The following RIPK4 variants were observed in gnomAD, a reference collection of about 807,000 sequenced individuals.
The protein encoded by RIPK4 is receptor interacting serine/threonine kinase 4.
RIPK4 carries 17 observed loss-of-function variants against 42.9 expected under a neutral mutation model. That is an observed-to-expected ratio of 0.40 (90% confidence interval 0.27 to 0.59). The LOEUF is 0.59. RIPK4 is among the 20% of genes least tolerant of loss of function. The pLI is 0.47. For missense variants in RIPK4, 897 were observed against 1,104.4 expected (o/e 0.81, Z 2.66); for synonymous variants, 498 against 499.1 (o/e 1.00, Z 0.03).
intron 1 of RIPK4, among the ~76,000 whole-genome samples, chr21:41,763,011 G>A (rs1780598360): frequency 6.6e-6 from 1 of 152,174 alleles, no homozygotes; most frequent in South Asian, 2.1e-4. Context: ...CTACGCTTAG[G>A]CACAGTTCAG....
At chr21:41,754,676 C>T (rs2061197817) in intron 2 of RIPK4, among the ~76,000 whole-genome samples, 1 of 152,234 alleles carries the variant, frequency 6.6e-6, no homozygotes, top group Admixed American at 6.5e-5. Context: ...TGCCCCGACT[C>T]CTGAGGGCAG....
chr21:41,756,007 A>C (rs1366367644), intron 2 of RIPK4, among the ~76,000 whole-genome samples: 3 of 152,022 alleles, frequency 2.0e-5, no homozygotes, highest in Non-Finnish European at 4.4e-5. Context: ...GCCACTCCGC[A>C]CTCTACGCAG....
At chr21:41,758,762 C>T (rs2061212414) in intron 1 of RIPK4, among the ~76,000 whole-genome samples, 2 of 152,248 alleles carry the variant, frequency 1.3e-5, no homozygotes, top group Non-Finnish European at 2.9e-5. Flanking sequence ...AACAGAGGCC[C>T]TGCGGCCTGC....
rs1285297166 is a variant in RIPK4, at chr21:41,755,158, G to A, written c.474+1367C>T. ...CCCAGCCCTGCCCATCACAGGAAACGGGAATCCCAGGGGTCCCAGAACATA... is the reference window on the plus strand; with the variant it reads ...CCCAGCCCTGCCCATCACAGGAAACAGGAATCCCAGGGGTCCCAGAACATA... On this transcript the variant is annotated intron_variant, in intron 2 of 7. Coordinates refer to ENST00000332512, the MANE Select transcript of RIPK4 (RefSeq NM_020639.3). This position sits in a 1 kb window ranked among gnomAD's most constrained non-coding sequence, Gnocchi z 4.2. Among the ~76,000 whole-genome samples the A allele has an allele frequency of 1.3e-5, 2 of 152,168 alleles. No homozygotes were observed. Among genetic ancestry groups the A allele is most frequent in the Non-Finnish European group, 2.9e-5 (2 of 68,032 alleles).
At chr21:41,757,317 T>C (rs1415678139) in intron 1 of RIPK4, among the ~76,000 whole-genome samples, 1 of 151,834 alleles carries the variant, frequency 6.6e-6, no homozygotes, top group Non-Finnish European at 1.5e-5. Context: ...GGTCAGGAGT[T>C]CGAGACCAGC....
At position 41,740,641 on chromosome 21, in the gene RIPK4, G is replaced by A; in HGVS notation, c.*197C>T. 1 of 594,428 alleles carries A rather than the reference G, an allele frequency of 1.7e-6. No individual in the cohort carries two copies. 36.8% of individuals were successfully genotyped at this position (594,428 alleles called of 1,614,324 possible). A position where few individuals can be genotyped will look rare whatever the true frequency, so the allele number is the denominator to read the frequency against. On this transcript the variant is annotated 3_prime_UTR_variant, in exon 8 of 8. Coordinates refer to ENST00000332512, the MANE Select transcript of RIPK4 (RefSeq NM_020639.3). Reference sequence around the variant, plus strand: ...CCTAGATCGATGATGGAGCGGGCATGTGCACCTGAGCCAGCTTCACCTGGA... The same window carrying A: ...CCTAGATCGATGATGGAGCGGGCATATGCACCTGAGCCAGCTTCACCTGGA...
At chr21:41,762,494 C>G (rs941735083) in intron 1 of RIPK4, among the ~76,000 whole-genome samples, 4 of 152,200 alleles carry the variant, frequency 2.6e-5, no homozygotes, top group Admixed American at 2.0e-4. Flanking sequence ...GAAACTCCAG[C>G]GGCTTTAGGA....
chr21:41,756,826 T>C lies in RIPK4; in HGVS notation c.183-10A>G, dbSNP rs1225180339. On this transcript the variant is annotated splice_polypyrimidine_tract_variant and intron_variant, in intron 1 of 7. Transcript: ENST00000332512. ...AAGCTCCATGCGCTCCCTGAAAAAG[T>C]TCAAAGGCATGAAGAATACGCAATG... 3 of 1,609,334 alleles carry C rather than the reference T, an allele frequency of 1.9e-6. No individual in the cohort carries two copies. The highest frequency in any genetic ancestry group is 3.3e-5 in the Admixed American group (2 of 59,916).
intron 7 of RIPK4, 54 bp downstream of exon 7, chr21:41,743,828 C>A: frequency 6.5e-7 from 1 of 1,527,334 alleles, no homozygotes; most frequent in Non-Finnish European, 8.8e-7. Context: ...TGAGTCCAGT[C>A]CACTGTCCCG....
In RIPK4 at chr21:41,751,060, G is replaced by A. The variant is rs905355827; in HGVS notation, c.623+37C>T. On this transcript the variant is annotated intron_variant, in intron 3 of 7. Coordinates refer to ENST00000332512, the MANE Select transcript of RIPK4 (RefSeq NM_020639.3). This position sits in a 1 kb window ranked among gnomAD's most constrained non-coding sequence, Gnocchi z 4.5. ...TGAAGCATTGAGGTTGAGAGCCCCT[G>A]GCACCCACAGGGGATGGGGGGCGGC... 6.3e-7 allele frequency: 1 copy of A among 1,598,414 alleles called. No individual in the cohort carries two copies. The highest frequency in any genetic ancestry group is 8.5e-7 in the Non-Finnish European group (1 of 1,170,976).
In RIPK4 at chr21:41,741,046, G is replaced by T. The variant is rs765735493; in HGVS notation, c.2147C>A (p.Ser716Ter). Residue 716 changes from serine (S) to a stop codon, truncating the protein, a stop_gained, in exon 8 of 8, where the codon TCG (serine) becomes TAG (stop). Transcript: ENST00000332512. LOFTEE classifies it high-confidence loss of function. ...ALHLAAAHGHSEVVEELVSAD... is the reference protein window; with the variant it reads ...ALHLAAAHGH Reference sequence around the variant, plus strand: ...GCTGACCAACTCCTCCACCACCTCCGAGTGCCCGTGGGCGGCAGCCAGGTG... The same window carrying T: ...GCTGACCAACTCCTCCACCACCTCCTAGTGCCCGTGGGCGGCAGCCAGGTG... 6.2e-7 allele frequency: 1 copy of T among 1,609,706 alleles called. No individual in the cohort carries two copies.
rs757645889 is a variant in RIPK4 at position 41,755,032 on chromosome 21, C to A, written c.474+1493G>T. 6.6e-6 allele frequency among the ~76,000 whole-genome samples: 1 copy of A among 152,162 alleles called. No individual in the cohort carries two copies. Among genetic ancestry groups the A allele is most frequent in the Non-Finnish European group, 1.5e-5 (1 of 68,040 alleles). ...CATGTCCTTTCCGGTATTCAGTGCA[C>A]GTTGGACGGCAGAGCTTACTAGTCA... On this transcript the variant is annotated intron_variant, in intron 2 of 7. Coordinates refer to ENST00000332512, the MANE Select transcript of RIPK4 (RefSeq NM_020639.3). The surrounding 1 kb of genome is among the most constrained non-coding windows in gnomAD (Gnocchi z 4.2).
chr21:41,756,861 C>G, intron 1 of RIPK4, 45 bp from the exon 2 acceptor site: 1 of 1,582,984 alleles, frequency 6.3e-7, no homozygotes, highest in South Asian at 1.1e-5. Flanking sequence ...GGTCACTCAG[C>G]CACAAACATG....
At position 41,742,483 on chromosome 21, in the gene RIPK4, A is replaced by G. The variant is rs2061157761; in HGVS notation, c.1196-486T>C. Among the ~76,000 whole-genome samples, 1 of 152,106 alleles carries G rather than the reference A, an allele frequency of 6.6e-6. No individual in the cohort carries two copies. The highest frequency in any genetic ancestry group is 2.4e-5 in the African/African-American group (1 of 41,420). ...AGCTCTTGCCCCACCTCGAAGTGGC[A>G]CCTCCTGACCTGGGGAGGTTAAGTC... On this transcript the variant is annotated intron_variant, in intron 7 of 7. Transcript: ENST00000332512. The surrounding 1 kb of genome is among the most constrained non-coding windows in gnomAD (Gnocchi z 5.1).
chr21:41,763,483 G>A (rs1379824489), intron 1 of RIPK4, among the ~76,000 whole-genome samples: 2 of 152,202 alleles, frequency 1.3e-5, no homozygotes, highest in Non-Finnish European at 2.9e-5. Flanking sequence ...TGTGCAAGCG[G>A]AGAAGCAATA....
chr21:41,749,886 GA>G (rs1293936119), intron 3 of RIPK4, among the ~76,000 whole-genome samples: 2 of 105,916 alleles, frequency 1.9e-5, no homozygotes, highest in African/African-American at 7.4e-5. Context: ...TGCCCAAATT[GA>G]TTAAAAAAAA....
In RIPK4 at chr21:41,757,164, C is replaced by T. The variant is rs1266743798; in HGVS notation, c.183-348G>A. ...TTGGGGGTCTCAGAGACTGCAGGTGCAGGCCGATAATCCCTTCTCCTGGGA... is the reference window on the plus strand; with the variant it reads ...TTGGGGGTCTCAGAGACTGCAGGTGTAGGCCGATAATCCCTTCTCCTGGGA... On this transcript the variant is annotated intron_variant, in intron 1 of 7. Transcript: ENST00000332512. Among the ~76,000 whole-genome samples, 3 of 152,304 alleles carry T rather than the reference C, an allele frequency of 2.0e-5. No individual in the cohort carries two copies. In the East Asian group the frequency reaches 5.8e-4, roughly 29 times the overall value.
chr21:41,766,761 G>T, intron 1 of RIPK4, 99 bp downstream of exon 1: 2 of 1,261,264 alleles, frequency 1.6e-6, no homozygotes, highest in Non-Finnish European at 2.2e-6. Context: ...CTCCGGGGGT[G>T]AGTTCGGGAG....
intron 4 of RIPK4, among the ~76,000 whole-genome samples, chr21:41,747,502 C>A (rs2146049803): frequency 1.3e-5 from 2 of 152,278 alleles, no homozygotes; most frequent in South Asian, 4.1e-4. Flanking sequence ...TTCCCAACAG[C>A]CCTCTCTGCC....
Sources: gnomAD v4.1 joint callset for allele counts (sites outside exome capture counted in the v4.1 genomes callset) on GRCh38, gnomAD v4.1.1 for gene constraint, Gnocchi (gnomAD v3.1) non-coding constraint, MANE v1.5 for transcripts, NCBI Gene and HGNC (gene_info 2026-07-23, HGNC 2026-07-21) for gene names.